AKNA: variants seen among roughly 807,000 people sequenced by gnomAD.
AKNA encodes AT-hook transcription factor, also known as microtubule organization protein AKNA.
Under a neutral mutation model 138.8 loss-of-function variants are expected in AKNA, and 67 were observed. The observed-to-expected ratio is 0.48, with a 90% CI of 0.40 to 0.59. The LOEUF (loss-of-function observed/expected upper bound fraction) is 0.59, where lower values mean the gene tolerates loss of function less well. AKNA is among the 20% of genes least tolerant of loss of function. The pLI is 0.00. For missense variants in AKNA, 1,813 were observed against 1,880.4 expected, an observed-to-expected ratio of 0.96 and a Z score of 0.66; for synonymous variants, 737 against 754.4, an observed-to-expected ratio of 0.98 and a Z score of 0.38.
At position 114,343,713 on chromosome 9, in the gene AKNA, T is replaced by A. The variant is rs773932227; in HGVS notation, c.3752A>T (p.Asp1251Val). ...CPHCRPIRTQ[D>V]AGGAVTGDPL... ...TTCCAGGTGCCATTCCTTACCCGCATCCTGGGTCCTAATGGGCCGGCAGTG... is the reference window on the plus strand; with the variant it reads ...TTCCAGGTGCCATTCCTTACCCGCAACCTGGGTCCTAATGGGCCGGCAGTG... The change falls in exon 19 of 22, where the codon GAT (aspartate) becomes GTT (valine). Residue 1251 changes from aspartate to valine, a missense_variant. Transcript: ENST00000374088. 13 of 1,614,110 alleles carry A rather than the reference T, an allele frequency of 8.1e-6. No individual in the cohort carries two copies. Among genetic ancestry groups the A allele is most frequent in the Non-Finnish European group, 1.1e-5 (13 of 1,180,040 alleles).
rs578095975 is a variant in AKNA, at chr9:114,362,409, C to A, written c.1913G>T (p.Arg638Leu). The change falls in exon 8 of 22, where the codon CGC becomes CTC. Residue 638 changes from arginine to leucine, a missense_variant. Coordinates refer to ENST00000374088, the MANE Select transcript of AKNA (RefSeq NM_001317950.2). ...SKGTPGRFDP[R>L]RELEAEIYRL... ...GGCCTTCCACCCCAGCAGGTACCTG[C>A]GAGGATCAAATCTTCCAGGCGTCCC... is the stretch of plus-strand genomic sequence containing the variant. The A allele has an allele frequency of 6.2e-7, 1 of 1,610,426 alleles. No individual in the cohort carries two copies. The highest frequency in any genetic ancestry group is 1.1e-5 in the South Asian group (1 of 90,228).
rs185639048 is a variant in AKNA, at chr9:114,341,772, C to T, written c.3875-47G>A. ...AGAGAGACAGAGTCTGACCACTTGGCAGATCCAGCCAAAGATGGAGGGTCC... is the reference window on the plus strand; with the variant it reads ...AGAGAGACAGAGTCTGACCACTTGGTAGATCCAGCCAAAGATGGAGGGTCC... On this transcript the variant is annotated intron_variant, in intron 20 of 21. Coordinates refer to ENST00000374088, the MANE Select transcript of AKNA (RefSeq NM_001317950.2). 118 of 1,522,168 alleles carry T rather than the reference C, an allele frequency of 7.8e-5. No individual in the cohort carries two copies. The African/African-American group carries it at 1.5e-3, about 20-fold the overall frequency. The allele number at this position is 1,522,168 out of a possible 1,614,324, so 94.3% of individuals were successfully genotyped here.
downstream of AKNA, among the ~76,000 whole-genome samples, chr9:114,333,633 T>C (rs1285329434): frequency 1.4e-5 from 2 of 138,264 alleles, no homozygotes; most frequent in Admixed American, 7.3e-5. Flanking sequence ...TATGTGTCCA[T>C]TTAAAACAAT....
intron 11 of AKNA, 194 bp downstream of exon 11, chr9:114,359,400 C>T: frequency 9.4e-7 from 1 of 1,069,262 alleles, no homozygotes; most frequent in Non-Finnish European, 1.3e-6. Flanking sequence ...TGCATGTGTC[C>T]TACTGAAAAT....
intron 9 of AKNA, 133 bp from the exon 10 acceptor site, chr9:114,360,195 C>A (rs1369610191): frequency 3.8e-6 from 4 of 1,058,182 alleles, no homozygotes; most frequent in East Asian, 2.5e-5. Flanking sequence ...GCCCACCACC[C>A]TTTTATGTAT....
chr9:114,374,708 T>C (rs1024701530), intron 3 of AKNA, among the ~76,000 whole-genome samples: 1 of 152,184 alleles, frequency 6.6e-6, no homozygotes, highest in African/African-American at 2.4e-5. Flanking sequence ...AAGAACTTTA[T>C]AAAAACAAGT....
chr9:114,383,485 G>A (rs1218327129), intron 1 of AKNA, among the ~76,000 whole-genome samples: 2 of 152,172 alleles, frequency 1.3e-5, no homozygotes, highest in Non-Finnish European at 2.9e-5. Context: ...CCCCAGAGCA[G>A]CTCACACAAA....
intron 1 of AKNA, among the ~76,000 whole-genome samples, chr9:114,386,787 G>A (rs976094417): frequency 3.3e-5 from 5 of 152,018 alleles, no homozygotes; most frequent in Non-Finnish European, 5.9e-5. Context: ...TTCTCCGCCC[G>A]CTCAGTCATT....
Position 114,356,880 on chromosome 9 carries a change from G to A in AKNA, c.2829C>T (p.His943=), listed in dbSNP as rs1396998466. The A allele has an allele frequency of 1.3e-6, 2 of 1,556,864 alleles. No individual in the cohort carries two copies. Among genetic ancestry groups the A allele is most frequent in the African/African-American group, 1.4e-5 (1 of 70,456 alleles). ...CGGGATACCTGATGTGGGAGAGCCGGTGCTCTGGAGTCTGGGTGAGGGGTG... is the reference window on the plus strand; with the variant it reads ...CGGGATACCTGATGTGGGAGAGCCGATGCTCTGGAGTCTGGGTGAGGGGTG... ...RVSPLTQTPE[H]RLSHISTAGT... The change falls in exon 13 of 22, where the codon CAC becomes CAT. Residue 943 remains histidine (H), a synonymous_variant. Transcript: ENST00000374088.
chr9:114,333,003 G>A (rs1005038826), downstream of AKNA: 3 of 1,601,326 alleles, frequency 1.9e-6, no homozygotes, highest in African/African-American at 2.7e-5. Flanking sequence ...CCTCTCCCCG[G>A]AAGACCTCCC....
rs759466249 is a variant in AKNA at position 114,347,773 on chromosome 9, G to A, written c.3349C>T (p.Arg1117Cys). 1.4e-5 allele frequency: 22 copies of A among 1,542,838 alleles called. No homozygotes were observed. Among genetic ancestry groups the A allele is most frequent in the East Asian group, 5.0e-5 (2 of 40,046 alleles). The change falls in exon 16 of 22, where the codon CGC (arginine) becomes TGC (cysteine). Residue 1117 changes from arginine to cysteine, a missense_variant. By Grantham distance (180) the Arg-to-Cys change is radical. Transcript: ENST00000374088. ...GCTGGGGAGTCTGCTGGCCGGCCGC[G>A]GGTCCGGGCGGGGCGGTCAAAGGCA... Reference protein sequence around the residue: ...ASAFDRPARTRGRPADSPATW... With the variant: ...ASAFDRPARTCGRPADSPATW...
In AKNA at chr9:114,375,766, ATCT is replaced by A. The variant is rs561832289; in HGVS notation, c.1341+697_1341+699del. Among the ~76,000 whole-genome samples the A allele has an allele frequency of 3.9e-5, 6 of 152,170 alleles. No individual in the cohort carries two copies. The East Asian group carries it at 1.2e-3, about 29-fold the overall frequency. ...TAGGTACATGGGAGTGTATTCTACG[ATCT>A]TCTCTCTTGTATATGTTTTAATTTT... On this transcript the variant is annotated intron_variant, in intron 3 of 21. Transcript: ENST00000374088.
chr9:114,381,064 T>C lies in AKNA; in HGVS notation c.270A>G (p.Gly90=). The change falls in exon 2 of 22, where the codon GGA becomes GGG. Residue 90 remains glycine, a synonymous_variant. Transcript: ENST00000374088. ...GGGGAGGGGTGTCAGTCTCACCTTC[T>C]CCCGAAGTCTCTCCTGACTCGGAAT... ...HQDSESGETS[G]EEAEAEDVDS... 1 of 1,537,904 alleles carries C rather than the reference T, an allele frequency of 6.5e-7. No homozygotes were observed. Among genetic ancestry groups the C allele is most frequent in the Non-Finnish European group, 8.7e-7 (1 of 1,151,574 alleles).
Position 114,357,001 on chromosome 9 carries a change from G to A in AKNA, c.2740-32C>T, listed in dbSNP as rs772936912. ...GAGGCAGTATCCCTTTATGTCTGAG[G>A]AATGTGTCCAAGGCACACTGGGAAG... On this transcript the variant is annotated intron_variant, in intron 12 of 21. Transcript: ENST00000374088. 3.2e-6 allele frequency: 5 copies of A among 1,561,896 alleles called. No homozygotes were observed. The African/African-American group carries it at 5.6e-5, about 18-fold the overall frequency.
Position 114,364,617 on chromosome 9 carries a change from C to T in AKNA, c.1731G>A (p.Val577=). ...CCTGTATCAGTCTTTCAAAGGACTCCACCTGGACATTGGGAGGGGAAGGAA... is the reference window on the plus strand; with the variant it reads ...CCTGTATCAGTCTTTCAAAGGACTCTACCTGGACATTGGGAGGGGAAGGAA... ...ASQASQFLAK[V]ESFERLIQAG... is the part of the protein sequence containing the mutation. Residue 577 remains valine, a splice_region_variant and synonymous_variant, in exon 7 of 22, where the codon GTG becomes GTA. Coordinates refer to ENST00000374088, the MANE Select transcript of AKNA (RefSeq NM_001317950.2). 1 of 1,613,956 alleles carries T rather than the reference C, an allele frequency of 6.2e-7. No individual in the cohort carries two copies. The highest frequency in any genetic ancestry group is 8.5e-7 in the Non-Finnish European group (1 of 1,180,024).
upstream of AKNA, among the ~76,000 whole-genome samples, chr9:114,390,550 TG>T (rs2132150477): frequency 6.6e-6 from 1 of 152,364 alleles, no homozygotes; most frequent in East Asian, 1.9e-4. Flanking sequence ...CGGCCTTGCC[TG>T]GAAAGCTCTA....
Position 114,334,756 on chromosome 9 carries a change from A to G in AKNA, c.*2298T>C, listed in dbSNP as rs898999103. The G allele has an allele frequency of 6.8e-6, 1 of 146,690 alleles. No individual in the cohort carries two copies. The highest frequency in any genetic ancestry group is 2.8e-5 in the African/African-American group (1 of 36,276). The allele number at this position is 146,690 out of a possible 1,614,324, so 9.1% of individuals were successfully genotyped here. A position where few individuals can be genotyped will look rare whatever the true frequency, so the allele number is the denominator to read the frequency against. On this transcript the variant is annotated 3_prime_UTR_variant, in exon 22 of 22. Coordinates refer to ENST00000374088, the MANE Select transcript of AKNA (RefSeq NM_001317950.2). ...ACGTGTGCAGCTGCGTATACCATCC[A>G]GGGTGATAGGACCATGAGCCCGAGG...
chr9:114,360,361 C>T (rs1831858628), intron 9 of AKNA, among the ~76,000 whole-genome samples: 1 of 152,154 alleles, frequency 6.6e-6, no homozygotes, highest in Admixed American at 6.5e-5. Flanking sequence ...GTAACTCACG[C>T]TCAAATGATT....
chr9:114,393,568 T>C (rs761745116), intron 1 of AKNA, among the ~76,000 whole-genome samples: 2 of 151,756 alleles, frequency 1.3e-5, no homozygotes, highest in Non-Finnish European at 2.9e-5. Flanking sequence ...AAACTTGCAA[T>C]AGGTAAAATG....
Sources: allele counts gnomAD v4.1 joint callset (sites outside exome capture counted in the v4.1 genomes callset), GRCh38; gene constraint gnomAD v4.1.1; transcripts MANE v1.5; gene names NCBI Gene and HGNC (gene_info 2026-07-23, HGNC 2026-07-21).